The following FEZ1 variants were observed in gnomAD, a reference collection of about 807,000 sequenced individuals.
FEZ1 encodes fasciculation and elongation protein zeta 1, also known as fasciculation and elongation protein zeta-1.
A neutral mutation model predicts 49.3 loss-of-function variants in FEZ1; 20 were observed. That is an observed-to-expected ratio of 0.41 (90% CI 0.29 to 0.59). The LOEUF (loss-of-function observed/expected upper bound fraction) is 0.59, where lower values mean the gene tolerates loss of function less well. Ranked by LOEUF, FEZ1 falls within the 20% of genes least tolerant of loss-of-function variation. FEZ1 has a pLI of 0.36. For synonymous variants in FEZ1, 170 were observed against 180.9 expected (o/e 0.94, Z 0.48); for missense variants, 413 against 476.0 (o/e 0.87, Z 1.23).
chr11:125,481,672 G>T, intron 2 of FEZ1, 39 bp from the exon 3 acceptor site: 1 of 1,405,188 alleles, frequency 7.1e-7, no homozygotes, highest in Non-Finnish European at 1.0e-6. Context: ...ACACATCTGT[G>T]GCCTGGCCCC....
rs374780487 is a variant in FEZ1 at position 125,455,671 on chromosome 11, T to C, written c.939+164A>G. On this transcript the variant is annotated intron_variant, in intron 6 of 9. Coordinates refer to ENST00000278919, the MANE Select transcript of FEZ1 (RefSeq NM_005103.5). ...GAGCCCTTTGGGGGAGTGGAGGAGA[T>C]AGGTGATATCTTCTCCCTTTCTGAC... 484 of 727,122 alleles carry C rather than the reference T, an allele frequency of 6.7e-4. 8 individuals are homozygous for C. The highest frequency in any genetic ancestry group is 6.0e-3 in the South Asian group (375 of 62,096). The allele number at this position is 727,122 out of a possible 1,614,324, so 45.0% of individuals were successfully genotyped here. A position where few individuals can be genotyped will look rare whatever the true frequency, so the allele number is the denominator to read the frequency against.
At chr11:125,450,867 A>G (rs1313255193) in intron 8 of FEZ1, among the ~76,000 whole-genome samples, 1 of 152,240 alleles carries the variant, frequency 6.6e-6, no homozygotes, top group Non-Finnish European at 1.5e-5. Context: ...AGTGGAGTAG[A>G]CAATGAGTTA....
intron 3 of FEZ1, among the ~76,000 whole-genome samples, chr11:125,464,401 A>G (rs1211349355): frequency 6.6e-6 from 1 of 152,236 alleles, no homozygotes; most frequent in Non-Finnish European, 1.5e-5. Context: ...AACAAGCTGT[A>G]TGTCTAGAAG....
intron 3 of FEZ1, among the ~76,000 whole-genome samples, chr11:125,480,639 T>A (rs1565302012): frequency 6.6e-6 from 1 of 152,244 alleles, no homozygotes; most frequent in Non-Finnish European, 1.5e-5. Flanking sequence ...AAAACCTGAT[T>A]TTTTTAAACC....
chr11:125,468,036 A>C (rs932327761), intron 3 of FEZ1, among the ~76,000 whole-genome samples: 2 of 152,202 alleles, frequency 1.3e-5, no homozygotes, highest in African/African-American at 2.4e-5. Context: ...CCTCCTACAG[A>C]CATATTAACT....
rs140347353 is a variant in FEZ1, at chr11:125,486,865, T to C, written c.311+2602A>G. On this transcript the variant is annotated intron_variant, in intron 2 of 9. Coordinates refer to ENST00000278919, the MANE Select transcript of FEZ1 (RefSeq NM_005103.5). Reference sequence around the variant, plus strand: ...AGTTGAAATATCTGGATAGTGTCTATGAAACAAAGTGTGTAACAGAATTCT... The same window carrying C: ...AGTTGAAATATCTGGATAGTGTCTACGAAACAAAGTGTGTAACAGAATTCT... Among the ~76,000 whole-genome samples the C allele has an allele frequency of 1.6e-3, 239 of 152,362 alleles. 1 individual carries two copies. Among genetic ancestry groups the C allele is most frequent in the African/African-American group, 5.6e-3 (232 of 41,594 alleles).
At position 125,495,776 on chromosome 11, in the gene FEZ1, A is replaced by G; in HGVS notation, c.-46+345T>C. On this transcript the variant is annotated intron_variant, in intron 1 of 9. Coordinates refer to ENST00000278919, the MANE Select transcript of FEZ1 (RefSeq NM_005103.5). This position sits in a 1 kb window ranked among gnomAD's most constrained non-coding sequence, Gnocchi z 4.2. ...CGCCGCCCTGCCTTCACACGCGCGC[A>G]CACACGCGGGCACACACACGCGGAC... 5.6e-6 allele frequency: 2 copies of G among 354,836 alleles called. No homozygotes were observed. The highest frequency in any genetic ancestry group is 3.8e-5 in the Admixed American group (1 of 26,244). The allele number at this position is 354,836 out of a possible 1,614,324, so 22.0% of individuals were successfully genotyped here.
At position 125,443,816 on chromosome 11, in the gene FEZ1, G is replaced by A. The variant is rs534815335; in HGVS notation, c.*2279C>T. 2.0e-4 allele frequency among the ~76,000 whole-genome samples: 30 copies of A among 152,294 alleles called. No homozygotes were observed. Among genetic ancestry groups the A allele is most frequent in the Non-Finnish European group, 5.9e-5 (4 of 68,022 alleles). On this transcript the variant is annotated 3_prime_UTR_variant, in exon 10 of 10. Coordinates refer to ENST00000278919, the MANE Select transcript of FEZ1 (RefSeq NM_005103.5). ...TGCCCTGCTCACCTCCTCCTAGCCAGAGTGTATCCCCAACACTCGAGATTT... is the reference window on the plus strand; with the variant it reads ...TGCCCTGCTCACCTCCTCCTAGCCAAAGTGTATCCCCAACACTCGAGATTT...
chr11:125,460,457 G>A, intron 5 of FEZ1, 41 bp downstream of exon 5: 1 of 1,590,422 alleles, frequency 6.3e-7, no homozygotes, highest in Non-Finnish European at 8.6e-7. Context: ...GCCCCGAGCA[G>A]GTGCTTCCTC....
Position 125,489,591 on chromosome 11 carries a change from C to T in FEZ1, c.187G>A (p.Val63Ile), listed in dbSNP as rs1283223094. Residue 63 changes from valine to isoleucine, a missense_variant, in exon 2 of 10, where the codon GTA becomes ATA. Physicochemically the swap from Val to Ile is conservative, Grantham distance 29 (BLOSUM62 3). Transcript: ENST00000278919. This position sits in a 1 kb window ranked among gnomAD's most constrained non-coding sequence, Gnocchi z 4.2. ...TTGAGCTTCTCATCAAATTCATTTACGAGGTCCTCCATGGACTTGAAGCTG... is the reference window on the plus strand; with the variant it reads ...TTGAGCTTCTCATCAAATTCATTTATGAGGTCCTCCATGGACTTGAAGCTG... ...IISFKSMEDLVNEFDEKLNVC... is the reference protein window; with the variant it reads ...IISFKSMEDLINEFDEKLNVC... 3 of 1,614,156 alleles carry T rather than the reference C, an allele frequency of 1.9e-6. No individual in the cohort carries two copies. Among genetic ancestry groups the T allele is most frequent in the Admixed American group, 1.7e-5 (1 of 60,020 alleles).
chr11:125,481,007 C>A (rs1414186771), intron 3 of FEZ1, among the ~76,000 whole-genome samples: 1 of 151,428 alleles, frequency 6.6e-6, no homozygotes, highest in Non-Finnish European at 1.5e-5. Flanking sequence ...CCACTGCACT[C>A]CAGCCTGGGC....
rs754724684 is a variant in FEZ1 at position 125,489,607 on chromosome 11, C to T, written c.171G>A (p.Lys57=). 5 of 1,614,152 alleles carry T rather than the reference C, an allele frequency of 3.1e-6. No individual in the cohort carries two copies. The Admixed American group carries it at 8.3e-5, about 27-fold the overall frequency. Residue 57 remains lysine, a synonymous_variant, in exon 2 of 10, where the codon AAG becomes AAA. Coordinates refer to ENST00000278919, the MANE Select transcript of FEZ1 (RefSeq NM_005103.5). This position sits in a 1 kb window ranked among gnomAD's most constrained non-coding sequence, Gnocchi z 4.2. ...ATTCATTTACGAGGTCCTCCATGGACTTGAAGCTGATTATTTCGGAAGAAA... is the reference window on the plus strand; with the variant it reads ...ATTCATTTACGAGGTCCTCCATGGATTTGAAGCTGATTATTTCGGAAGAAA... ...ENFSSEIISF[K]SMEDLVNEFD... is the part of the protein sequence containing the mutation.
chr11:125,467,929 A>T, intron 3 of FEZ1, among the ~76,000 whole-genome samples: 1 of 152,206 alleles, frequency 6.6e-6, no homozygotes, highest in South Asian at 2.1e-4. Context: ...AAAGGTTATA[A>T]GGTAAAAGGA....
chr11:125,448,815 G>A (rs1287408047), intron 8 of FEZ1, among the ~76,000 whole-genome samples: 4 of 151,898 alleles, frequency 2.6e-5, no homozygotes, highest in Non-Finnish European at 4.4e-5. Flanking sequence ...TTGTAACCCA[G>A]ACCTTGAGCC....
chr11:125,453,993 G>T, intron 7 of FEZ1, 137 bp downstream of exon 7: 1 of 483,678 alleles, frequency 2.1e-6, no homozygotes, highest in Non-Finnish European at 3.6e-6. Flanking sequence ...CTTAAGAGGA[G>T]AAAAAAGTGT....
chr11:125,449,419 A>T (rs1591578517), intron 8 of FEZ1, among the ~76,000 whole-genome samples: 2 of 133,780 alleles, frequency 1.5e-5, no homozygotes, highest in Non-Finnish European at 1.6e-5. Flanking sequence ...TGTCTCTATA[A>T]AAAAAAAAAA....
At chr11:125,494,578 A>G (rs1957438567) in intron 1 of FEZ1, among the ~76,000 whole-genome samples, 1 of 152,230 alleles carries the variant, frequency 6.6e-6, no homozygotes, top group South Asian at 2.1e-4. Context: ...AGAAAGAAGG[A>G]ACCATGGGAG....
At chr11:125,482,743 C>T (rs767238506) in intron 2 of FEZ1, among the ~76,000 whole-genome samples, 1 of 152,024 alleles carries the variant, frequency 6.6e-6, no homozygotes, top group Non-Finnish European at 1.5e-5. Flanking sequence ...ATGGGCAGAT[C>T]GCTTGACTCC....
chr11:125,490,545 A>G (rs996934293), intron 1 of FEZ1, among the ~76,000 whole-genome samples: 1 of 152,150 alleles, frequency 6.6e-6, no homozygotes, highest in African/African-American at 2.4e-5. Flanking sequence ...TACTACCCTT[A>G]TCAATAAATA....
Sources: gnomAD v4.1 joint callset for allele counts (sites outside exome capture counted in the v4.1 genomes callset) on GRCh38, gnomAD v4.1.1 for gene constraint, Gnocchi (gnomAD v3.1) non-coding constraint, MANE v1.5 for transcripts, NCBI Gene and HGNC (gene_info 2026-07-23, HGNC 2026-07-21) for gene names.